The following GRIA4 variants were observed in gnomAD, a reference collection of about 807,000 sequenced individuals.
GRIA4 encodes the protein glutamate ionotropic receptor AMPA type subunit 4, also known as glutamate receptor 4.
Under a neutral mutation model 104.0 loss-of-function variants are expected in GRIA4, and 34 were observed. The observed-to-expected ratio is 0.33, with a 90% CI of 0.25 to 0.44. The LOEUF (loss-of-function observed/expected upper bound fraction) is 0.44. Among genes scored for constraint, GRIA4 ranks in the 20% least tolerant of loss-of-function variants. The pLI is 1.00. For missense variants in GRIA4, 750 were observed against 1,096.5 expected (o/e 0.68, Z 4.46); for synonymous variants, 386 against 381.9 (o/e 1.01, Z -0.13).
rs1859247238 is a variant in GRIA4, at chr11:105,981,524, G to A, written c.*1785G>A. 1 of 145,640 alleles carries A rather than the reference G, an allele frequency of 6.9e-6. No homozygotes were observed. The highest frequency in any genetic ancestry group is 2.2e-4 in the South Asian group (1 of 4,546). 9.0% of individuals were successfully genotyped at this position (145,640 alleles called of 1,614,324 possible). On this transcript the variant is annotated 3_prime_UTR_variant, in exon 17 of 17. Transcript: ENST00000282499. ...CCATTCGCCATTCAATCTCTGTGCTGCAGTAAGAGCAATCTTAAACAGTAT... is the reference window on the plus strand; with the variant it reads ...CCATTCGCCATTCAATCTCTGTGCTACAGTAAGAGCAATCTTAAACAGTAT...
intron 5 of GRIA4, among the ~76,000 whole-genome samples, chr11:105,885,352 T>C (rs1946216775): frequency 1.3e-5 from 2 of 152,222 alleles, no homozygotes; most frequent in Non-Finnish European, 2.9e-5. Context: ...CTTGTCCTCA[T>C]CTTCATGGTA....
chr11:105,769,800 C>T (rs1177981894), intron 4 of GRIA4, among the ~76,000 whole-genome samples: 1 of 151,952 alleles, frequency 6.6e-6, no homozygotes, highest in African/African-American at 2.4e-5. Context: ...TAGTAAAACC[C>T]ACATATGTAA....
intron 4 of GRIA4, among the ~76,000 whole-genome samples, chr11:105,774,338 A>C (rs1031428828): frequency 6.6e-6 from 1 of 151,964 alleles, no homozygotes; most frequent in Admixed American, 6.6e-5. Context: ...TTATAGACTT[A>C]AAAAGTTTAT....
chr11:105,887,278 A>G lies in GRIA4; in HGVS notation c.673-241A>G, dbSNP rs572066885. ...CATTGTCATTCTTTTTAAGGAGATT[A>G]TAATAATTTTCTGAACGAGGTTGAT... On this transcript the variant is annotated intron_variant, in intron 5 of 16. Transcript: ENST00000282499. 2.3e-4 allele frequency among the ~76,000 whole-genome samples: 35 copies of G among 152,272 alleles called. 1 individual carries two copies. Among genetic ancestry groups the G allele is most frequent in the South Asian group, 6.2e-4 (3 of 4,830 alleles).
chr11:105,786,804 C>G (rs1443033674), intron 4 of GRIA4, among the ~76,000 whole-genome samples: 1 of 152,190 alleles, frequency 6.6e-6, no homozygotes, highest in Non-Finnish European at 1.5e-5. Flanking sequence ...AATTGAACCA[C>G]TAGCAATTAT....
intron 3 of GRIA4, among the ~76,000 whole-genome samples, chr11:105,738,901 A>G (rs1253197751): frequency 6.7e-6 from 1 of 150,306 alleles, no homozygotes; most frequent in African/African-American, 2.4e-5. Context: ...TTGTTTCTTC[A>G]TAATTGGAAG....
Position 105,956,526 on chromosome 11 carries a change from G to A in GRIA4, c.2295-15388G>A, listed in dbSNP as rs541463665. ...CTATCATTGATGGACATTTGGGTTG[G>A]TTCCAAGTCTTTGCTATTGTGAATA... On this transcript the variant is annotated intron_variant, in intron 14 of 16. Coordinates refer to ENST00000282499, the MANE Select transcript of GRIA4 (RefSeq NM_000829.4). Among the ~76,000 whole-genome samples the A allele has an allele frequency of 5.9e-5, 9 of 152,278 alleles. No homozygotes were observed. In the South Asian group the frequency reaches 1.9e-3, roughly 32 times the overall value.
At chr11:105,944,643 A>C (rs1274451444) in intron 14 of GRIA4, among the ~76,000 whole-genome samples, 1 of 152,158 alleles carries the variant, frequency 6.6e-6, no homozygotes, top group Non-Finnish European at 1.5e-5. Context: ...TATATACTGG[A>C]ATTTGATCCC....
intron 4 of GRIA4, among the ~76,000 whole-genome samples, chr11:105,771,381 T>G (rs1017232204): frequency 6.6e-6 from 1 of 152,082 alleles, no homozygotes; most frequent in Non-Finnish European, 1.5e-5. Context: ...TTCTCTATAT[T>G]CAACCCTTAT....
Position 105,612,322 on chromosome 11 carries a change from A to G in GRIA4, c.135A>G (p.Arg45=). ...RNTDQEYTAF[R]LAIFLHNTSP... ...CAGATCAGGAATACACTGCTTTTCG[A>G]TTAGCAATTTTTCTTCATAACACCA... Residue 45 remains arginine, a synonymous_variant, in exon 3 of 17, where the codon CGA becomes CGG. Transcript: ENST00000282499. 1 of 1,614,130 alleles carries G rather than the reference A, an allele frequency of 6.2e-7. No homozygotes were observed. Among genetic ancestry groups the G allele is most frequent in the Non-Finnish European group, 8.5e-7 (1 of 1,179,972 alleles).
At chr11:105,931,600 G>C (rs528954462) in intron 13 of GRIA4, among the ~76,000 whole-genome samples, 125 of 152,106 alleles carry the variant, frequency 8.2e-4, no homozygotes, top group Admixed American at 2.2e-3. Context: ...AGGTACTCAG[G>C]AGGCTAAGAC....
At chr11:105,656,234 T>C (rs1480514150) in intron 3 of GRIA4, among the ~76,000 whole-genome samples, 1 of 152,172 alleles carries the variant, frequency 6.6e-6, no homozygotes, top group Non-Finnish European at 1.5e-5. Context: ...TATTACTATC[T>C]GATATTTTAC....
At chr11:105,928,728 G>T (rs2136202206) in intron 13 of GRIA4, among the ~76,000 whole-genome samples, 1 of 152,130 alleles carries the variant, frequency 6.6e-6, no homozygotes, top group South Asian at 2.1e-4. Context: ...AAGGGAAGAA[G>T]AAATGCTATA....
intron 3 of GRIA4, among the ~76,000 whole-genome samples, chr11:105,619,234 C>T (rs1025942866): frequency 1.3e-5 from 2 of 151,828 alleles, no homozygotes; most frequent in South Asian, 2.1e-4. Flanking sequence ...GGGCAAGTTA[C>T]GTAACACTTC....
intron 3 of GRIA4, among the ~76,000 whole-genome samples, chr11:105,688,193 T>C (rs897029398): frequency 1.3e-5 from 2 of 151,928 alleles, no homozygotes; most frequent in South Asian, 4.2e-4. Context: ...TATCTATTTA[T>C]CTATATGCTA....
At chr11:105,776,636 C>T (rs1471188242) in intron 4 of GRIA4, among the ~76,000 whole-genome samples, 1 of 152,104 alleles carries the variant, frequency 6.6e-6, no homozygotes, top group East Asian at 1.9e-4. Context: ...CAGATCTCAC[C>T]TGCAGTCTCC....
At chr11:105,838,324 T>G (rs569212600) in intron 4 of GRIA4, among the ~76,000 whole-genome samples, 7 of 152,296 alleles carry the variant, frequency 4.6e-5, no homozygotes, top group African/African-American at 4.8e-5. Context: ...GTAATGGAGT[T>G]TCTTCTGCTG....
chr11:105,940,945 A>C (rs1176020848), intron 14 of GRIA4, among the ~76,000 whole-genome samples: 1 of 152,170 alleles, frequency 6.6e-6, no homozygotes, highest in Non-Finnish European at 1.5e-5. Context: ...TAGCTCATTT[A>C]TTTTAACATT....
intron 14 of GRIA4, chr11:105,965,881 T>G: frequency 2.7e-6 from 3 of 1,099,292 alleles, no homozygotes; most frequent in Non-Finnish European, 4.1e-6. Context: ...AGAGCTTAAG[T>G]CCTCATTCCT....
Sources: gnomAD v4.1 joint callset for allele counts (sites outside exome capture counted in the v4.1 genomes callset) on GRCh38, gnomAD v4.1.1 for gene constraint, MANE v1.5 for transcripts, NCBI Gene and HGNC (gene_info 2026-07-23, HGNC 2026-07-21) for gene names.